Variants in AGPAT5 observed in about 807,000 individuals in gnomAD.
AGPAT5 encodes 1-acylglycerol-3-phosphate O-acyltransferase 5.
Under a neutral mutation model 45.6 loss-of-function variants are expected in AGPAT5, and 46 were observed. That is an observed-to-expected ratio of 1.01 (90% CI 0.80 to 1.29). The LOEUF is 1.29. Among genes scored for constraint, AGPAT5 ranks in the 50% most tolerant of loss-of-function variants. The probability of loss-of-function intolerance (pLI) is 0.00; values close to 1 mark genes in which losing one functional copy is unlikely to be tolerated. For missense variants in AGPAT5, 673 were observed against 450.7 expected (o/e 1.49, Z -4.47); for synonymous variants, 272 against 167.0 (o/e 1.63, Z -4.85).
intron 7 of AGPAT5, among the ~76,000 whole-genome samples, chr8:6,756,019 A>G (rs1474774332): frequency 6.6e-6 from 1 of 152,238 alleles, no homozygotes; most frequent in Non-Finnish European, 1.5e-5. Context: ...TACTTATTTT[A>G]TAAGTATTTA....
intron 4 of AGPAT5, chr8:6,738,521 G>C (rs1801131711): frequency 6.6e-6 from 1 of 152,214 alleles, no homozygotes; most frequent in Non-Finnish European, 1.5e-5. Context: ...AATATTGTGA[G>C]ATTACCGAAA....
chr8:6,713,961 C>T (rs181773914), intron 1 of AGPAT5, among the ~76,000 whole-genome samples: 24 of 152,316 alleles, frequency 1.6e-4, no homozygotes, highest in Non-Finnish European at 3.2e-4. Context: ...TCCTAAACTC[C>T]TAATGAGTTA....
chr8:6,733,903 C>T (rs941724811), intron 4 of AGPAT5, among the ~76,000 whole-genome samples: 1 of 152,240 alleles, frequency 6.6e-6, no homozygotes, highest in African/African-American at 2.4e-5. Context: ...GCACAGTGGC[C>T]CCTTGCTTTT....
At chr8:6,724,831 TA>T in intron 1 of AGPAT5, 38 bp from the exon 2 acceptor site, 1 of 667,900 alleles carries the variant, frequency 1.5e-6, no homozygotes, top group Non-Finnish European at 2.3e-6. Context: ...ACAGATGTTT[TA>T]AAATATCAAA....
rs778261237 is a variant in AGPAT5, at chr8:6,708,798, G to C, written c.130G>C (p.Ala44Pro). 1 of 1,610,346 alleles carries C rather than the reference G, an allele frequency of 6.2e-7. No homozygotes were observed. Among genetic ancestry groups the C allele is most frequent in the Non-Finnish European group, 8.5e-7 (1 of 1,179,630 alleles). Residue 44 changes from alanine (A) to proline (P), a missense_variant, in exon 1 of 8, where the codon GCC (alanine) becomes CCC (proline). By Grantham distance (27) the Ala-to-Pro change is conservative. Transcript: ENST00000285518. ...GCGGCTGCTCTCCGCCTTCCTGCCC[G>C]CCCGCTTCTACCAAGCGCTGGACGA... ...VWRLLSAFLP[A>P]RFYQALDDRL...
chr8:6,751,450 T>C (rs895224190), intron 6 of AGPAT5, among the ~76,000 whole-genome samples: 8 of 152,224 alleles, frequency 5.3e-5, no homozygotes, highest in Non-Finnish European at 4.4e-5. Context: ...CAGGACGCTC[T>C]GCAGGTGAGA....
intron 1 of AGPAT5, among the ~76,000 whole-genome samples, chr8:6,712,197 T>G (rs771458707): frequency 6.6e-5 from 10 of 152,226 alleles, no homozygotes; most frequent in Non-Finnish European, 1.3e-4. Flanking sequence ...TTTACTTACT[T>G]TCCCATAATC....
At chr8:6,743,818 A>G (rs1194909299) in intron 5 of AGPAT5, among the ~76,000 whole-genome samples, 3 of 151,976 alleles carry the variant, frequency 2.0e-5, no homozygotes, top group Non-Finnish European at 4.4e-5. Context: ...TTGCTAGCGA[A>G]GGTGACATAC....
intron 1 of AGPAT5, among the ~76,000 whole-genome samples, chr8:6,713,048 G>T (rs944404359): frequency 6.6e-6 from 1 of 152,180 alleles, no homozygotes; most frequent in Non-Finnish European, 1.5e-5. Flanking sequence ...GCTCTGGTGC[G>T]GTGGCACCAT....
intron 1 of AGPAT5, among the ~76,000 whole-genome samples, chr8:6,711,019 A>G (rs1481273383): frequency 6.6e-6 from 1 of 152,110 alleles, no homozygotes; most frequent in Non-Finnish European, 1.5e-5. Flanking sequence ...AGTTTTAGTA[A>G]TTTAAGAGGT....
intron 5 of AGPAT5, among the ~76,000 whole-genome samples, chr8:6,743,370 A>G (rs761490235): frequency 6.6e-6 from 1 of 152,204 alleles, no homozygotes; most frequent in Non-Finnish European, 1.5e-5. Context: ...ACAATTGTCC[A>G]TTAGAGAGCT....
At chr8:6,750,041 G>A (rs146924619) in intron 6 of AGPAT5, among the ~76,000 whole-genome samples, 3 of 152,318 alleles carry the variant, frequency 2.0e-5, no homozygotes, top group Non-Finnish European at 2.9e-5. Flanking sequence ...AAGGCTTTGT[G>A]TGGCCAATCC....
chr8:6,713,263 C>A (rs1027121138), intron 1 of AGPAT5, among the ~76,000 whole-genome samples: 1 of 152,190 alleles, frequency 6.6e-6, no homozygotes, highest in Non-Finnish European at 1.5e-5. Flanking sequence ...AGCCACCATG[C>A]CTAGCCCCTA....
rs1334705415 is a variant in AGPAT5 at position 6,730,790 on chromosome 8, A to G, written c.369A>G (p.Leu123=). 4 of 1,613,438 alleles carry G rather than the reference A, an allele frequency of 2.5e-6. No homozygotes were observed. The highest frequency in any genetic ancestry group is 3.4e-6 in the Non-Finnish European group (4 of 1,179,562). The part of the protein sequence containing the change: ...GHVRYVLKEG[L]KWLPLYGCYF... ...TGCGCTACGTGCTGAAAGAAGGGTT[A>G]AAATGGCTGCCATTGTATGGGTGTT... Residue 123 remains leucine, a synonymous_variant, in exon 3 of 8, where the codon TTA becomes TTG. Transcript: ENST00000285518.
intron 5 of AGPAT5, chr8:6,745,775 C>T (rs1193940021): frequency 1.3e-5 from 2 of 151,640 alleles, no homozygotes; most frequent in Non-Finnish European, 2.9e-5. Flanking sequence ...CATCTTCTGC[C>T]CTTTATTATT....
intron 1 of AGPAT5, among the ~76,000 whole-genome samples, chr8:6,722,645 G>A (rs1418186854): frequency 6.6e-6 from 1 of 152,188 alleles, no homozygotes; most frequent in African/African-American, 2.4e-5. Flanking sequence ...AAACAACACA[G>A]ATGTGATGAA....
chr8:6,749,180 G>A (rs899308187), intron 6 of AGPAT5, among the ~76,000 whole-genome samples: 36 of 152,140 alleles, frequency 2.4e-4, no homozygotes, highest in African/African-American at 8.7e-4. Context: ...GTTAAATAAT[G>A]ATAAGATGAG....
intron 1 of AGPAT5, among the ~76,000 whole-genome samples, chr8:6,720,471 A>G (rs554330196): frequency 6.6e-6 from 1 of 152,228 alleles, no homozygotes; most frequent in African/African-American, 2.4e-5. Context: ...TGACTTGGGA[A>G]CAAGGCTCCT....
intron 1 of AGPAT5, among the ~76,000 whole-genome samples, chr8:6,715,404 G>A (rs535340423): frequency 1.3e-5 from 2 of 152,346 alleles, no homozygotes; most frequent in Non-Finnish European, 2.9e-5. Context: ...AGTGGTAGCT[G>A]ATAGGGCTTT....
Sources: allele counts gnomAD v4.1 joint callset (sites outside exome capture counted in the v4.1 genomes callset), GRCh38; gene constraint gnomAD v4.1.1; transcripts MANE v1.5; gene names NCBI Gene and HGNC (gene_info 2026-07-23, HGNC 2026-07-21).